Variants in RBFOX1 observed in about 807,000 individuals in gnomAD.
The protein encoded by RBFOX1 is RNA binding protein fox-1 homolog 1.
In RBFOX1, 8 loss-of-function variants were observed where a neutral mutation model predicts 57.7. The observed-to-expected ratio is 0.14, with a 90% CI of 0.08 to 0.25. RBFOX1 has a LOEUF of 0.25. Ranked by LOEUF, RBFOX1 falls within the 10% of genes least tolerant of loss-of-function variation. RBFOX1 has a pLI of 1.00. For missense variants in RBFOX1, 611 were observed against 548.5 expected, an observed-to-expected ratio of 1.11 and a Z score of -1.14; for synonymous variants, 326 against 222.4, an observed-to-expected ratio of 1.47 and a Z score of -4.15.
At position 5,953,045 on chromosome 16, in the gene RBFOX1, T is replaced by C. The variant is rs1222117264; in HGVS notation, c.351+85710T>C. On this transcript the variant is annotated intron_variant, in intron 4 of 19. Coordinates refer to the RBFOX1 transcript ENST00000641259. Reference sequence around the variant, plus strand: ...AGCCTGGCTACATGGTAGAATCTCCTGCGGAAGATTATCAAGAAAGTACCA... The same window carrying C: ...AGCCTGGCTACATGGTAGAATCTCCCGCGGAAGATTATCAAGAAAGTACCA... Among the ~76,000 whole-genome samples, 10 of 138,510 alleles carry C rather than the reference T, an allele frequency of 7.2e-5. No homozygotes were observed. In the South Asian group the frequency reaches 2.1e-3, roughly 29 times the overall value. 90.9% of individuals were successfully genotyped at this position (138,510 alleles called of 152,430 possible).
Position 7,470,561 on chromosome 16 carries a change from C to T in RBFOX1, c.28-47586C>T, listed in dbSNP as rs997575479. On this transcript the variant is annotated intron_variant, in intron 4 of 15. Coordinates refer to ENST00000550418, the MANE Select transcript of RBFOX1 (RefSeq NM_018723.4). ...AGTGGGTGGATGGGTGAGTGGTAGGCAGATGAGGTGATGGATGGATGGATG... is the reference window on the plus strand; with the variant it reads ...AGTGGGTGGATGGGTGAGTGGTAGGTAGATGAGGTGATGGATGGATGGATG... Among the ~76,000 whole-genome samples the T allele has an allele frequency of 3.1e-4, 46 of 149,630 alleles. No individual in the cohort carries two copies. The Middle Eastern group carries it at 0.014, about 45-fold the overall frequency.
At chr16:7,557,619 C>CAAAAAA (rs1170051114) in intron 5 of RBFOX1, among the ~76,000 whole-genome samples, 163 of 39,854 alleles carry the variant, frequency 4.1e-3, no homozygotes, top group East Asian at 0.018. Context: ...GACTCTGTCT[C>CAAAAAA]AAAAAAAAAA....
chr16:7,225,454 T>G (rs1334863792), intron 4 of RBFOX1, among the ~76,000 whole-genome samples: 1 of 152,100 alleles, frequency 6.6e-6, no homozygotes, highest in African/African-American at 2.4e-5. Context: ...CCTTTCACCT[T>G]CCACCATGAT....
At chr16:7,239,650 G>A (rs759464109) in intron 4 of RBFOX1, among the ~76,000 whole-genome samples, 34 of 152,092 alleles carry the variant, frequency 2.2e-4, no homozygotes, top group African/African-American at 3.6e-4. Flanking sequence ...TGATAAGACC[G>A]TGAGAACTCA....
At chr16:5,496,636 G>A (rs542451378) in intron 2 of RBFOX1, among the ~76,000 whole-genome samples, 40 of 152,172 alleles carry the variant, frequency 2.6e-4, no homozygotes, top group Non-Finnish European at 2.5e-4. Context: ...GCAAGCAAAC[G>A]CCCAATAAAC....
At chr16:5,880,744 A>G (rs973073473) in intron 4 of RBFOX1, among the ~76,000 whole-genome samples, 3 of 152,186 alleles carry the variant, frequency 2.0e-5, no homozygotes, top group African/African-American at 4.8e-5. Flanking sequence ...GGGGAGAACA[A>G]CAGGCCTCCT....
At chr16:5,384,495 G>C (rs1396367144) in intron 1 of RBFOX1, among the ~76,000 whole-genome samples, 1 of 152,162 alleles carries the variant, frequency 6.6e-6, no homozygotes, top group Non-Finnish European at 1.5e-5. Context: ...AGGGTGCATA[G>C]GAGTTTACCA....
chr16:6,509,421 A>G (rs2096199983), intron 2 of RBFOX1, among the ~76,000 whole-genome samples: 1 of 152,210 alleles, frequency 6.6e-6, no homozygotes, highest in Non-Finnish European at 1.5e-5. Flanking sequence ...GCTGAGTGCA[A>G]TAAGCCAGGC....
chr16:7,358,438 T>TG (rs2097258796), intron 4 of RBFOX1, among the ~76,000 whole-genome samples: 1 of 152,214 alleles, frequency 6.6e-6, no homozygotes, highest in African/African-American at 2.4e-5. Context: ...TGTTTTTTTT[T>TG]GAGGTGGAGT....
At chr16:6,888,816 A>G (rs1437668873) in intron 3 of RBFOX1, among the ~76,000 whole-genome samples, 1 of 152,244 alleles carries the variant, frequency 6.6e-6, no homozygotes, top group Admixed American at 6.5e-5. Context: ...CAAACATTAG[A>G]TCTTATTGCT....
At chr16:7,601,586 C>G (rs1239380697) in intron 9 of RBFOX1, among the ~76,000 whole-genome samples, 3 of 152,110 alleles carry the variant, frequency 2.0e-5, no homozygotes, top group Non-Finnish European at 4.4e-5. Flanking sequence ...TGTTTTCTTA[C>G]TGAAGTAAAG....
intron 1 of RBFOX1, among the ~76,000 whole-genome samples, chr16:6,121,111 G>T (rs910921788): frequency 4.6e-5 from 7 of 152,196 alleles, no homozygotes; most frequent in African/African-American, 1.4e-4. Flanking sequence ...CAACTGGCCT[G>T]TTGGGAGTGT....
chr16:7,257,311 T>C (rs1163029730), intron 4 of RBFOX1, among the ~76,000 whole-genome samples: 2 of 152,182 alleles, frequency 1.3e-5, no homozygotes, highest in Non-Finnish European at 2.9e-5. Context: ...ACGCTTCCTG[T>C]GTATTTCCCA....
chr16:6,924,536 A>T, intron 3 of RBFOX1, among the ~76,000 whole-genome samples: 1 of 152,114 alleles, frequency 6.6e-6, no homozygotes, highest in Non-Finnish European at 1.5e-5. Context: ...ATTGGGGATC[A>T]CATTTCAACA....
chr16:6,935,019 C>T lies in RBFOX1; in HGVS notation c.-15-117038C>T, dbSNP rs373422200. ...AGGAGGACTGCTTGAGCCCAGGAGG[C>T]AGGGGTTGTTGCAGTGAGACAAGAT... On this transcript the variant is annotated intron_variant, in intron 3 of 15. Transcript: ENST00000550418. Among the ~76,000 whole-genome samples the T allele has an allele frequency of 3.3e-4, 50 of 151,762 alleles. 1 individual carries two copies. The South Asian group carries it at 0.01, about 31-fold the overall frequency.
intron 2 of RBFOX1, among the ~76,000 whole-genome samples, chr16:5,552,351 G>A (rs1464306531): frequency 6.6e-6 from 1 of 152,132 alleles, no homozygotes; most frequent in African/African-American, 2.4e-5. Context: ...AGCGCTATTT[G>A]CTCACAATTA....
rs947416397 is a variant in RBFOX1 at position 6,818,122 on chromosome 16, A to G, written c.-16+163472A>G. ...TTTCAGATTTTCCACCCCTCCCTCT[A>G]TGGAAGCCCTTTTCTAGGTTCCTCT... On this transcript the variant is annotated intron_variant, in intron 3 of 15. Coordinates refer to ENST00000550418, the MANE Select transcript of RBFOX1 (RefSeq NM_018723.4). Among the ~76,000 whole-genome samples the G allele has an allele frequency of 2.6e-5, 4 of 152,134 alleles. No individual in the cohort carries two copies. The South Asian group carries it at 8.3e-4, about 32-fold the overall frequency.
intron 2 of RBFOX1, among the ~76,000 whole-genome samples, chr16:6,529,725 A>G (rs930244948): frequency 1.3e-5 from 2 of 152,170 alleles, no homozygotes; most frequent in Admixed American, 6.6e-5. Flanking sequence ...AGACTCCACA[A>G]CACGTACGGA....
At chr16:6,488,733 C>G (rs1455180000) in intron 2 of RBFOX1, among the ~76,000 whole-genome samples, 1 of 152,120 alleles carries the variant, frequency 6.6e-6, no homozygotes, top group Non-Finnish European at 1.5e-5. Flanking sequence ...ATTTCCTCCC[C>G]TAACCCATAA....
Sources: allele counts gnomAD v4.1 joint callset (sites outside exome capture counted in the v4.1 genomes callset), GRCh38; gene constraint gnomAD v4.1.1; transcripts MANE v1.5; gene names NCBI Gene and HGNC (gene_info 2026-07-23, HGNC 2026-07-21).